The following ASNS variants were observed in gnomAD, a reference collection of about 807,000 sequenced individuals.
ASNS encodes asparagine synthetase [glutamine-hydrolyzing].
ASNS carries 37 observed loss-of-function variants against 62.6 expected under a neutral mutation model. That is an observed-to-expected ratio of 0.59 (90% confidence interval 0.45 to 0.78). The LOEUF is 0.78. ASNS is among the 30% of genes least tolerant of loss of function. The pLI, the probability that ASNS is intolerant of heterozygous loss-of-function variation, is 0.00. For synonymous variants in ASNS, 207 were observed against 237.9 expected (o/e 0.87, Z 1.19); for missense variants, 520 against 682.4 (o/e 0.76, Z 2.65).
the ASNS span, among the ~76,000 whole-genome samples, chr7:97,902,369 T>C: frequency 3.3e-5 from 5 of 152,154 alleles, no homozygotes; most frequent in Non-Finnish European, 5.9e-5. Context: ...GAATTATTAC[T>C]TAAAGAAATG....
At chr7:97,919,356 T>G in the ASNS span, among the ~76,000 whole-genome samples, 4 of 152,216 alleles carry the variant, frequency 2.6e-5, no homozygotes, top group African/African-American at 9.6e-5. Context: ...CCCACCCGCC[T>G]TGGCCTCCAA....
At chr7:97,923,380 A>G in the ASNS span, among the ~76,000 whole-genome samples, 5 of 152,110 alleles carry the variant, frequency 3.3e-5, no homozygotes, top group Non-Finnish European at 5.9e-5. Context: ...ACTTGAGGTC[A>G]GGAGTTTGAA....
intron 9 of ASNS, chr7:97,855,124 T>C (rs1791371759): frequency 8.6e-6 from 4 of 466,096 alleles, no homozygotes; most frequent in Non-Finnish European, 1.5e-5. Context: ...GGTATGAGCA[T>C]GAGCCCTCAT....
rs539181742 is a variant in ASNS, at chr7:97,870,938, A to G, written c.-59-1125T>C. On this transcript the variant is annotated intron_variant, in intron 1 of 12. Transcript: ENST00000394308. ...AAAAAGCCAATTAAAACTATAACCT[A>G]TTATTTTTATTGGAATCAGTCTTAT... Among the ~76,000 whole-genome samples the G allele has an allele frequency of 1.2e-4, 19 of 152,266 alleles. No individual in the cohort carries two copies. In the South Asian group the frequency reaches 3.9e-3, roughly 32 times the overall value.
At chr7:97,873,908 T>C (rs1310254397), upstream of ASNS, among the ~76,000 whole-genome samples, 1 of 152,140 alleles carries the variant, frequency 6.6e-6, no homozygotes, top group Non-Finnish European at 1.5e-5. Flanking sequence ...AAGGCAGACA[T>C]TTCAAGGAGA....
chr7:97,898,430 A>G, the ASNS span: 1 of 519,356 alleles, frequency 1.9e-6, no homozygotes, highest in Admixed American at 2.6e-5. Flanking sequence ...CAGAACTACT[A>G]CCTTCACCAC....
the ASNS span, among the ~76,000 whole-genome samples, chr7:97,890,167 A>G: frequency 1.2e-4 from 18 of 152,202 alleles, no homozygotes; most frequent in African/African-American, 4.1e-4. Context: ...AAAAAGAAAG[A>G]AAAAAGAATG....
the ASNS span, among the ~76,000 whole-genome samples, chr7:97,920,338 C>T: frequency 6.6e-6 from 1 of 152,114 alleles, no homozygotes; most frequent in Non-Finnish European, 1.5e-5. Flanking sequence ...TTGGCAGTCT[C>T]CCCTGAGCAG....
chr7:97,893,202 A>T, the ASNS span, among the ~76,000 whole-genome samples: 1 of 152,266 alleles, frequency 6.6e-6, no homozygotes, highest in Admixed American at 6.5e-5. Flanking sequence ...AGACTTATTC[A>T]CTATTAAAAG....
upstream of ASNS, among the ~76,000 whole-genome samples, chr7:97,873,242 G>A (rs148705224): frequency 1.3e-3 from 203 of 152,214 alleles, 2 homozygotes; most frequent in African/African-American, 4.6e-3. Context: ...AAGACATCAC[G>A]ATTTTTAAAA....
At chr7:97,861,686 G>A (rs878954433) in intron 4 of ASNS, among the ~76,000 whole-genome samples, 2 of 152,142 alleles carry the variant, frequency 1.3e-5, no homozygotes, top group Admixed American at 1.3e-4. Flanking sequence ...GAGTCAGCTT[G>A]TAGATTTCAC....
the ASNS span, among the ~76,000 whole-genome samples, chr7:97,877,789 G>T: frequency 2.0e-5 from 3 of 152,214 alleles, no homozygotes; most frequent in Non-Finnish European, 4.4e-5. Flanking sequence ...ATCCTGCTTT[G>T]GATGAACTCA....
the ASNS span, among the ~76,000 whole-genome samples, chr7:97,893,469 G>A: frequency 1.4e-4 from 21 of 152,330 alleles, no homozygotes; most frequent in South Asian, 2.1e-3. Context: ...ACCCAACAAC[G>A]TCTACAAGAA....
intron 12 of ASNS, 56 bp from the exon 13 acceptor site, chr7:97,852,524 G>T: frequency 6.6e-7 from 1 of 1,513,872 alleles, no homozygotes; most frequent in Non-Finnish European, 9.2e-7. Flanking sequence ...AAATACTTGT[G>T]TTTAGTCTCA....
At chr7:97,855,528 T>C (rs1174929856) in intron 8 of ASNS, 69 bp from the exon 9 acceptor site, 7 of 1,184,738 alleles carry the variant, frequency 5.9e-6, no homozygotes, top group Non-Finnish European at 8.6e-6. Flanking sequence ...TTTGATTTGA[T>C]TTTTGGAAAT....
the ASNS span, among the ~76,000 whole-genome samples, chr7:97,916,426 G>T: frequency 2.0e-5 from 3 of 152,076 alleles, no homozygotes; most frequent in Non-Finnish European, 2.9e-5. Flanking sequence ...TTTGCTAAAG[G>T]GGGAGAAAAG....
At chr7:97,885,847 A>G in the ASNS span, 4 of 395,986 alleles carry the variant, frequency 1.0e-5, no homozygotes, top group Non-Finnish European at 1.9e-5. Flanking sequence ...TGTGTATTTG[A>G]CACTTCTCGC....
the ASNS span, among the ~76,000 whole-genome samples, chr7:97,922,308 G>A: frequency 0.077 from 11,706 of 152,128 alleles, 924 homozygotes; most frequent in African/African-American, 0.2. Flanking sequence ...CAAGGCTGCA[G>A]TGAGCAAAGA....
rs61611439 is a variant in ASNS, at chr7:97,868,519, A to ATGTGTGTGTGTGTGTGTG, written c.249+371_249+388dup. 1.2e-3 allele frequency among the ~76,000 whole-genome samples: 152 copies of ATGTGTGTGTGTGTGTGTG among 122,990 alleles called. 1 individual carries two copies. Among genetic ancestry groups the ATGTGTGTGTGTGTGTGTG allele is most frequent in the Admixed American group, 0.01 (128 of 12,582 alleles). The allele number at this position is 122,990 out of a possible 152,430, so 80.7% of individuals were successfully genotyped here. ...TACTCTCAAATGATTCAGCAAAAACATGTGTGTGTGTGTGTGTGTGTGTGT... is the reference window on the plus strand; with the variant it reads ...TACTCTCAAATGATTCAGCAAAAACATGTGTGTGTGTGTGTGTGTGTGTGTGTGTGTGTGTGTGTGTGT... On this transcript the variant is annotated intron_variant, in intron 3 of 12. Coordinates refer to ENST00000394308, the MANE Select transcript of ASNS (RefSeq NM_001673.5).
Sources: allele counts gnomAD v4.1 joint callset (sites outside exome capture counted in the v4.1 genomes callset), GRCh38; gene constraint gnomAD v4.1.1; transcripts MANE v1.5; gene names NCBI Gene and HGNC (gene_info 2026-07-23, HGNC 2026-07-21).